ARHGAP22: variants seen among roughly 807,000 people sequenced by gnomAD.
ARHGAP22 encodes the protein rho GTPase-activating protein 22.
In ARHGAP22, 48 loss-of-function variants were observed where a neutral mutation model predicts 59.1. That is an observed-to-expected ratio of 0.81 (90% CI 0.64 to 1.03). ARHGAP22 has a LOEUF of 1.03. Among genes scored for constraint, ARHGAP22 ranks in the 50% least tolerant of loss-of-function variants. The pLI, the probability that ARHGAP22 is intolerant of heterozygous loss-of-function variation, is 0.00. For missense variants in ARHGAP22, 1,015 were observed against 958.7 expected, an observed-to-expected ratio of 1.06 and a Z score of -0.78; for synonymous variants, 445 against 416.4, an observed-to-expected ratio of 1.07 and a Z score of -0.84.
chr10:48,563,628 T>C (rs1206525391), intron 2 of ARHGAP22, among the ~76,000 whole-genome samples: 3 of 152,238 alleles, frequency 2.0e-5, no homozygotes, highest in Admixed American at 1.3e-4. Context: ...GGGGAGCCAT[T>C]ATTCTACCTT....
Position 48,451,012 on chromosome 10 carries a change from C to T in ARHGAP22, c.1117G>A (p.Glu373Lys), listed in dbSNP as rs2045884689. The stretch of plus-strand genomic sequence containing the variant: ...CCTTGGCTGTCCCTGGTGACCTCCT[C>T]GGAGCCCCACCCCACTGCGCATTGC... Reference protein sequence around the residue: ...GLQCAVGWGSEEVTRDSQGEP... With the variant: ...GLQCAVGWGSKEVTRDSQGEP... The change falls in exon 9 of 10, where the codon GAG becomes AAG. Residue 373 changes from glutamate to lysine, a missense_variant. Transcript: ENST00000249601. The T allele has an allele frequency of 6.4e-7, 1 of 1,555,508 alleles. No individual in the cohort carries two copies. The highest frequency in any genetic ancestry group is 1.2e-5 in the South Asian group (1 of 84,416).
At chr10:48,550,723 G>T (rs2056831576) in intron 3 of ARHGAP22, among the ~76,000 whole-genome samples, 1 of 152,212 alleles carries the variant, frequency 6.6e-6, no homozygotes. Context: ...TCAAGATCCT[G>T]AGATTTGGGG....
At chr10:48,637,913 T>C (rs1291284952) in intron 1 of ARHGAP22, among the ~76,000 whole-genome samples, 1 of 152,230 alleles carries the variant, frequency 6.6e-6, no homozygotes, top group African/African-American at 2.4e-5. Context: ...CTTTTCCACA[T>C]GCTGCCAGCC....
chr10:48,518,005 G>T (rs1005000331), intron 3 of ARHGAP22, among the ~76,000 whole-genome samples: 1 of 152,144 alleles, frequency 6.6e-6, no homozygotes, highest in Non-Finnish European at 1.5e-5. Flanking sequence ...GTGAGGGGGA[G>T]GCCTGGCTAG....
At chr10:48,605,917 C>T (rs1021617234), upstream of ARHGAP22, among the ~76,000 whole-genome samples, 12 of 152,188 alleles carry the variant, frequency 7.9e-5, no homozygotes, top group Admixed American at 2.6e-4. Flanking sequence ...GCTGTGTCTA[C>T]AGCTCCTGCT....
chr10:48,494,284 G>C (rs1372330943), intron 3 of ARHGAP22, among the ~76,000 whole-genome samples: 1 of 152,194 alleles, frequency 6.6e-6, no homozygotes, highest in Non-Finnish European at 1.5e-5. Context: ...CTGTGCGCCA[G>C]TCAGCTGCTG....
At chr10:48,504,498 G>C (rs1342709995) in intron 3 of ARHGAP22, among the ~76,000 whole-genome samples, 3 of 152,204 alleles carry the variant, frequency 2.0e-5, no homozygotes, top group Admixed American at 1.3e-4. Flanking sequence ...ACAGAAATGG[G>C]GTGGGTCAGG....
At chr10:48,612,760 T>C (rs572968981) in intron 1 of ARHGAP22, among the ~76,000 whole-genome samples, 1 of 152,348 alleles carries the variant, frequency 6.6e-6, no homozygotes, top group East Asian at 1.9e-4. Context: ...ATGCCCACAT[T>C]ATGCCTCTCT....
Position 48,532,217 on chromosome 10 carries a change from G to C in ARHGAP22, c.322+23246C>G, listed in dbSNP as rs148309419. On this transcript the variant is annotated intron_variant, in intron 3 of 9. Transcript: ENST00000249601. Reference sequence around the variant, plus strand: ...TCACACAGCTGGTGGGTAGAGGGTAGAGCCTGTCCTCCAATCTGGGCAGTC... The same window carrying C: ...TCACACAGCTGGTGGGTAGAGGGTACAGCCTGTCCTCCAATCTGGGCAGTC... Among the ~76,000 whole-genome samples the C allele has an allele frequency of 3.3e-5, 5 of 152,266 alleles. No homozygotes were observed. In the East Asian group the frequency reaches 9.6e-4, roughly 29 times the overall value.
intron 3 of ARHGAP22, among the ~76,000 whole-genome samples, chr10:48,506,339 A>G (rs564784589): frequency 6.6e-6 from 1 of 152,368 alleles, no homozygotes; most frequent in South Asian, 2.1e-4. Flanking sequence ...TTGCTCCTAC[A>G]GTACAAACCT....
chr10:48,557,880 G>C (rs1054049714), intron 2 of ARHGAP22, among the ~76,000 whole-genome samples: 1 of 152,322 alleles, frequency 6.6e-6, no homozygotes, highest in Admixed American at 6.5e-5. Context: ...CTGCTCTCTG[G>C]TCCCTGGTAT....
chr10:48,559,838 G>A (rs758831678), intron 2 of ARHGAP22, among the ~76,000 whole-genome samples: 1 of 152,136 alleles, frequency 6.6e-6, no homozygotes, highest in African/African-American at 2.4e-5. Context: ...TAGTGAAATA[G>A]TTTACATCTT....
chr10:48,565,986 C>A (rs1334943481), intron 2 of ARHGAP22, among the ~76,000 whole-genome samples: 1 of 152,136 alleles, frequency 6.6e-6, no homozygotes, highest in African/African-American at 2.4e-5. Context: ...CCTGCAGGGC[C>A]CGGGATGTCT....
intron 2 of ARHGAP22, among the ~76,000 whole-genome samples, chr10:48,569,430 T>C (rs2058262846): frequency 6.6e-6 from 1 of 152,226 alleles, no homozygotes; most frequent in Non-Finnish European, 1.5e-5. Context: ...ATTCCACCAA[T>C]GCATTAAGGA....
At chr10:48,568,690 A>G (rs1769843249) in intron 2 of ARHGAP22, among the ~76,000 whole-genome samples, 1 of 152,152 alleles carries the variant, frequency 6.6e-6, no homozygotes, top group Non-Finnish European at 1.5e-5. Flanking sequence ...TGCTCTTCAG[A>G]GCCTGCCGGC....
intron 3 of ARHGAP22, among the ~76,000 whole-genome samples, chr10:48,520,681 T>C (rs993787757): frequency 6.6e-6 from 1 of 151,676 alleles, no homozygotes; most frequent in African/African-American, 2.4e-5. Context: ...CTGACAGGAG[T>C]TGACGGGAGG....
chr10:48,454,193 G>A lies in ARHGAP22; in HGVS notation c.793-32C>T, dbSNP rs74130280. 1,030 of 1,583,796 alleles carry A rather than the reference G, an allele frequency of 6.5e-4. 7 individuals carry two copies. The African/African-American group carries it at 0.013, about 20-fold the overall frequency. Reference sequence around the variant, plus strand: ...AATGAAGAACAGAATTTCAAACACCGGCAATGAGGGCCCTGACTGTTCTCT... The same window carrying A: ...AATGAAGAACAGAATTTCAAACACCAGCAATGAGGGCCCTGACTGTTCTCT... On this transcript the variant is annotated intron_variant, in intron 6 of 9. Transcript: ENST00000249601.
In ARHGAP22 at chr10:48,485,445, C is replaced by T. The variant is rs1050117134; in HGVS notation, c.323-5681G>A. Reference sequence around the variant, plus strand: ...TGGTATATCTTGCTCAGTGAACTTGCTAAGTGCACTGAGAAAAATTATTCT... The same window carrying T: ...TGGTATATCTTGCTCAGTGAACTTGTTAAGTGCACTGAGAAAAATTATTCT... On this transcript the variant is annotated intron_variant, in intron 3 of 9. Coordinates refer to ENST00000249601, the MANE Select transcript of ARHGAP22 (RefSeq NM_021226.4). Among the ~76,000 whole-genome samples, 3 of 152,122 alleles carry T rather than the reference C, an allele frequency of 2.0e-5. No individual in the cohort carries two copies. In the East Asian group the frequency reaches 5.8e-4, roughly 29 times the overall value.
At chr10:48,656,063 C>A (rs1381103224), upstream of ARHGAP22, 1 of 151,924 alleles carries the variant, frequency 6.6e-6, no homozygotes, top group Non-Finnish European at 1.5e-5. Flanking sequence ...CTGCCTCGGC[C>A]GCCCGGGGCC....
Sources: gnomAD v4.1 joint callset for allele counts (sites outside exome capture counted in the v4.1 genomes callset) on GRCh38, gnomAD v4.1.1 for gene constraint, MANE v1.5 for transcripts, NCBI Gene and HGNC (gene_info 2026-07-23, HGNC 2026-07-21) for gene names.